SUPT6H: variants seen among roughly 807,000 people sequenced by gnomAD.
SUPT6H encodes SPT6 homolog, histone chaperone and transcription elongation factor.
A neutral mutation model predicts 222.3 loss-of-function variants in SUPT6H; 11 were observed. The ratio of observed to expected loss-of-function variants is 0.05; its 90% CI spans 0.03 to 0.08. SUPT6H has a LOEUF of 0.08. Ranked by LOEUF, SUPT6H falls within the 10% of genes least tolerant of loss-of-function variation. SUPT6H has a pLI of 1.00. For missense variants in SUPT6H, 1,422 were observed against 2,216.0 expected (o/e 0.64, Z 7.19); for synonymous variants, 762 against 801.2 (o/e 0.95, Z 0.83).
intron 35 of SUPT6H, chr17:28,700,739 A>C: frequency 1.1e-6 from 1 of 923,842 alleles, no homozygotes. Flanking sequence ...AGCCACCAGA[A>C]AGTTGACATG....
In SUPT6H at chr17:28,684,892, A is replaced by G. The variant is rs1336663616; in HGVS notation, c.2418A>G (p.Thr806=). 4 of 1,614,222 alleles carry G rather than the reference A, an allele frequency of 2.5e-6. No homozygotes were observed. The African/African-American group carries it at 4.0e-5, about 16-fold the overall frequency. The change falls in exon 19 of 37, where the codon ACA becomes ACG. Residue 806 remains threonine, a synonymous_variant. Coordinates refer to ENST00000314616, the MANE Select transcript of SUPT6H (RefSeq NM_003170.5). The stretch of plus-strand genomic sequence containing the variant: ...TGGTCAATGGTGAAGGAGAAGTGAC[A>G]GACTTCCTTCGACTGCCCCATTTTA... ...CALVNGEGEV[T]DFLRLPHFTK...
chr17:28,700,240 C>T lies in SUPT6H; in HGVS notation c.4629C>T (p.Ile1543=). 1 of 1,614,234 alleles carries T rather than the reference C, an allele frequency of 6.2e-7. No individual in the cohort carries two copies. Among genetic ancestry groups the T allele is most frequent in the Non-Finnish European group, 8.5e-7 (1 of 1,180,044 alleles). Residue 1543 remains isoleucine (I), a synonymous_variant, in exon 34 of 37, where the codon ATC becomes ATT. Transcript: ENST00000314616. ...CTATCAATGCTACCCCAGCCAACAT[C>T]AACCTTGCAGGTGAGGAGCTTGAGC... ...PASINATPAN[I]NLADLTRAVN...
In SUPT6H at chr17:28,700,347, T is replaced by C. The variant is rs200025175; in HGVS notation, c.4641T>C (p.Asp1547=). ...CTCCCCACCTCTGTGTGCTTACAGA[T>C]CTGACACGGGCTGTGAATGCCCTGC... is the stretch of plus-strand genomic sequence containing the variant. The part of the protein sequence containing the change: ...NATPANINLA[D]LTRAVNALPQ... Residue 1547 remains aspartate (D), a splice_region_variant and synonymous_variant, in exon 35 of 37, where the codon GAT becomes GAC. Coordinates refer to ENST00000314616, the MANE Select transcript of SUPT6H (RefSeq NM_003170.5). The C allele has an allele frequency of 6.2e-7, 1 of 1,614,168 alleles. No individual in the cohort carries two copies. Among genetic ancestry groups the C allele is most frequent in the Admixed American group, 1.7e-5 (1 of 60,024 alleles).
At position 28,690,913 on chromosome 17, in the gene SUPT6H, T is replaced by C; in HGVS notation, c.3491-8T>C. Reference sequence around the variant, plus strand: ...AGCCTGCTCCCCATCCTCTTTTCCTTCTTGCAGGAAAGCTCATCATCTGCA... The same window carrying C: ...AGCCTGCTCCCCATCCTCTTTTCCTCCTTGCAGGAAAGCTCATCATCTGCA... On this transcript the variant is annotated splice_region_variant and splice_polypyrimidine_tract_variant and intron_variant, in intron 26 of 36. Coordinates refer to ENST00000314616, the MANE Select transcript of SUPT6H (RefSeq NM_003170.5). The C allele has an allele frequency of 1.2e-6, 2 of 1,611,998 alleles. No homozygotes were observed. The highest frequency in any genetic ancestry group is 1.7e-6 in the Non-Finnish European group (2 of 1,179,272).
intron 15 of SUPT6H, 33 bp downstream of exon 15, chr17:28,683,125 T>C (rs1224216714): frequency 1.3e-6 from 2 of 1,570,382 alleles, no homozygotes; most frequent in Non-Finnish European, 1.7e-6. Flanking sequence ...ATCCAAGATG[T>C]GCACCAGCTC....
chr17:28,695,683 AGAT>A, intron 29 of SUPT6H, 136 bp downstream of exon 29: 1 of 1,027,784 alleles, frequency 9.7e-7, no homozygotes, highest in Non-Finnish European at 1.4e-6. Flanking sequence ...TAAGGCCTGG[AGAT>A]GTCATGAAAA....
chr17:28,690,837 A>G (rs1463859322), intron 26 of SUPT6H, 84 bp from the exon 27 acceptor site: 29 of 1,469,282 alleles, frequency 2.0e-5, no homozygotes, highest in Admixed American at 3.9e-5. Flanking sequence ...AGGAAGTCAG[A>G]TATTCTGTCA....
In SUPT6H at chr17:28,683,026, G is replaced by A. The variant is rs2031197148; in HGVS notation, c.1812G>A (p.Gln604=). Residue 604 remains glutamine (Q), a synonymous_variant, in exon 15 of 37, where the codon CAG becomes CAA. Coordinates refer to ENST00000314616, the MANE Select transcript of SUPT6H (RefSeq NM_003170.5). ...TTGCCCGTGAGCCCCTTGTCCGGCA[G>A]GTGCTGAGGCAAACCTTCCAAGAGA... The part of the protein sequence containing the change: ...LQIAREPLVR[Q]VLRQTFQERA... 6.2e-7 allele frequency: 1 copy of A among 1,613,868 alleles called. No individual in the cohort carries two copies. Among genetic ancestry groups the A allele is most frequent in the African/African-American group, 1.3e-5 (1 of 74,894 alleles).
chr17:28,680,743 C>T (rs1489282136), intron 11 of SUPT6H, among the ~76,000 whole-genome samples: 1 of 152,162 alleles, frequency 6.6e-6, no homozygotes, highest in Non-Finnish European at 1.5e-5. Flanking sequence ...GCTCCACCTC[C>T]CAGGTTCATA....
rs201140655 is a variant in SUPT6H, at chr17:28,686,291, A to C, written c.2488-48A>C. The C allele has an allele frequency of 5.6e-4, 871 of 1,552,842 alleles. 1 individual carries two copies. The highest frequency in any genetic ancestry group is 7.1e-4 in the Non-Finnish European group (803 of 1,127,392). On this transcript the variant is annotated intron_variant, in intron 19 of 36. Transcript: ENST00000314616. ...ACATAGGGAGACAGAATTTCCTGAA[A>C]TCTTTACATCCTCAGAGCCATTCAG...
At chr17:28,691,819 C>CAGG (rs1293837058) in intron 27 of SUPT6H, 2 of 150,624 alleles carry the variant, frequency 1.3e-5, no homozygotes, top group Non-Finnish European at 2.9e-5. Flanking sequence ...CATTGCACTC[C>CAGG]AGCCTGGGCG....
Position 28,681,712 on chromosome 17 carries a change from C to CA in SUPT6H, c.1499-152dup, listed in dbSNP as rs541707928. ...TGGGCAACAAACCGAGGCTGTGTCT[C>CA]AAAAAAAAAAAAAAAAAATCAAGAA... On this transcript the variant is annotated intron_variant, in intron 12 of 36. Transcript: ENST00000314616. Among the ~76,000 whole-genome samples, 187 of 88,988 alleles carry CA rather than the reference C, an allele frequency of 2.1e-3. 1 individual carries two copies. The highest frequency in any genetic ancestry group is 3.5e-3 in the East Asian group (11 of 3,152). 58.4% of individuals were successfully genotyped at this position (88,988 alleles called of 152,430 possible). A position where few individuals can be genotyped will look rare whatever the true frequency, so the allele number is the denominator to read the frequency against.
chr17:28,692,482 G>T (rs1036639046), intron 27 of SUPT6H, among the ~76,000 whole-genome samples: 3 of 145,692 alleles, frequency 2.1e-5, no homozygotes, highest in Admixed American at 2.0e-4. Context: ...AAAATATAAG[G>T]ATTAGCAGGG....
intron 28 of SUPT6H, 34 bp downstream of exon 28, chr17:28,693,870 A>G: frequency 1.2e-6 from 2 of 1,613,692 alleles, no homozygotes; most frequent in Admixed American, 1.7e-5. Context: ...TCGTAGTGCA[A>G]TTTTCAGCTG....
At chr17:28,693,193 G>GC (rs1348897894) in intron 27 of SUPT6H, among the ~76,000 whole-genome samples, 9 of 152,030 alleles carry the variant, frequency 5.9e-5, no homozygotes, top group Admixed American at 2.0e-4. Flanking sequence ...AGGTGTGGTG[G>GC]CTCACGCCTG....
chr17:28,683,022 G>A lies in SUPT6H; in HGVS notation c.1808G>A (p.Arg603Gln), dbSNP rs138471256. 1.4e-5 allele frequency: 23 copies of A among 1,613,820 alleles called. No individual in the cohort carries two copies. The highest frequency in any genetic ancestry group is 2.7e-5 in the African/African-American group (2 of 74,882). ...CAGATTGCCCGTGAGCCCCTTGTCC[G>A]GCAGGTGCTGAGGCAAACCTTCCAA... ...ALQIAREPLV[R>Q]QVLRQTFQER... Residue 603 changes from arginine (R) to glutamine (Q), a missense_variant, in exon 15 of 37, where the codon CGG becomes CAG. Around this residue, in one of 13 missense-constraint regions of SUPT6H, gnomAD observed 121 missense variants for 158.0 expected, o/e 0.77. Transcript: ENST00000314616.
intron 1 of SUPT6H, among the ~76,000 whole-genome samples, chr17:28,671,858 A>G (rs1237157353): frequency 6.6e-6 from 1 of 152,238 alleles, no homozygotes. Context: ...CCAGGTTAAG[A>G]AAGTGATATT....
chr17:28,667,394 A>AAAAAT (rs1555546879), intron 1 of SUPT6H, among the ~76,000 whole-genome samples: 3 of 59,330 alleles, frequency 5.1e-5, no homozygotes, highest in African/African-American at 6.6e-5. Flanking sequence ...AAAAAAAAAA[A>AAAAAT]GTGTGTGTGT....
intron 23 of SUPT6H, 130 bp downstream of exon 23, chr17:28,687,601 TGA>T (rs2031451249): frequency 1.9e-6 from 2 of 1,071,278 alleles, no homozygotes; most frequent in Non-Finnish European, 2.6e-6. Context: ...ACTCAGCTAG[TGA>T]GAGTCAAAAG....
Sources: gnomAD v4.1 joint callset for allele counts (sites outside exome capture counted in the v4.1 genomes callset) on GRCh38, gnomAD v4.1.1 for gene constraint, gnomAD v4.1.1 regional missense constraint, MANE v1.5 for transcripts, NCBI Gene and HGNC (gene_info 2026-07-23, HGNC 2026-07-21) for gene names.